Variants in PLEKHB2 observed in about 807,000 individuals in gnomAD.
PLEKHB2 encodes the protein pleckstrin homology domain containing B2.
PLEKHB2 carries 31 observed loss-of-function variants against 36.5 expected under a neutral mutation model. That is an observed-to-expected ratio of 0.85 (90% CI 0.64 to 1.15). The LOEUF (loss-of-function observed/expected upper bound fraction) is 1.15. Ranked by LOEUF, PLEKHB2 falls within the 50% of genes most tolerant of loss-of-function variation. The pLI, the probability that PLEKHB2 is intolerant of heterozygous loss-of-function variation, is 0.00. For synonymous variants in PLEKHB2, 119 were observed against 112.0 expected (o/e 1.06, Z -0.39); for missense variants, 262 against 295.3 (o/e 0.89, Z 0.83).
intron 1 of PLEKHB2, among the ~76,000 whole-genome samples, chr2:131,110,004 A>G (rs557776137): frequency 1.0e-3 from 156 of 151,910 alleles, no homozygotes; most frequent in African/African-American, 3.5e-3. Flanking sequence ...AGTCCCAGCT[A>G]TTCGGGAGGC....
chr2:131,119,508 G>T (rs538936674), intron 1 of PLEKHB2, among the ~76,000 whole-genome samples: 1 of 152,202 alleles, frequency 6.6e-6, no homozygotes, highest in South Asian at 2.1e-4. Context: ...GCATGTTGGC[G>T]CGCTTCTGCA....
chr2:131,147,755 G>A lies in PLEKHB2; in HGVS notation c.*982G>A, dbSNP rs1247823139. 1.3e-5 allele frequency: 2 copies of A among 149,794 alleles called. No homozygotes were observed. Among genetic ancestry groups the A allele is most frequent in the African/African-American group, 5.0e-5 (2 of 39,990 alleles). The allele number at this position is 149,794 out of a possible 1,614,324, so 9.3% of individuals were successfully genotyped here. On this transcript the variant is annotated 3_prime_UTR_variant, in exon 8 of 8. Transcript: ENST00000693505. ...GGAGCTTGCAGTGAGCCAAGATAGTGCCACTGCACTTCAGCCTGGGTGACA... is the reference window on the plus strand; with the variant it reads ...GGAGCTTGCAGTGAGCCAAGATAGTACCACTGCACTTCAGCCTGGGTGACA...
intron 1 of PLEKHB2, among the ~76,000 whole-genome samples, chr2:131,109,953 A>G (rs1454923619): frequency 1.3e-5 from 2 of 151,670 alleles, no homozygotes; most frequent in Non-Finnish European, 2.9e-5. Context: ...TCTCTACTAA[A>G]AATACAAAAA....
At position 131,130,719 on chromosome 2, in the gene PLEKHB2, A is replaced by G. The variant is rs1263095021; in HGVS notation, c.294-2A>G. On this transcript the variant is annotated splice_acceptor_variant, in intron 4 of 7. Transcript: ENST00000693505. LOFTEE classifies it high-confidence loss of function. ...ATAAAGTACCCTTTTTCTTTTCTCC[A>G]GGGCCTGGAAATTTACACTCCAAGA... The G allele has an allele frequency of 3.1e-6, 5 of 1,605,956 alleles. No homozygotes were observed. Among genetic ancestry groups the G allele is most frequent in the Non-Finnish European group, 4.3e-6 (5 of 1,172,878 alleles).
At chr2:131,118,867 C>CAAAAAAA (rs138450500) in intron 1 of PLEKHB2, 8 of 45,216 alleles carry the variant, frequency 1.8e-4, no homozygotes, top group Non-Finnish European at 2.7e-4. Context: ...GATTCCGTCT[C>CAAAAAAA]AAAAAAAAAA....
rs1293229052 is a variant in PLEKHB2 at position 131,125,799 on chromosome 2, G to A, written c.84G>A (p.Ser28=). The A allele has an allele frequency of 1.1e-5, 17 of 1,613,056 alleles. No individual in the cohort carries two copies. Among genetic ancestry groups the A allele is most frequent in the Non-Finnish European group, 1.3e-5 (15 of 1,179,598 alleles). The stretch of plus-strand genomic sequence containing the variant: ...AGAAGAACTGGTTTGATCTGTGGTC[G>A]GATGGTCACCTGATCTATTATGATG... ...RWKKNWFDLW[S]DGHLIYYDDQ... is the part of the protein sequence containing the mutation. The change falls in exon 3 of 8, where the codon TCG becomes TCA. Residue 28 remains serine, a synonymous_variant. Coordinates refer to ENST00000693505, the MANE Select transcript of PLEKHB2 (RefSeq NM_001100623.2).
intron 1 of PLEKHB2, among the ~76,000 whole-genome samples, chr2:131,113,749 A>G (rs1573529657): frequency 6.6e-6 from 1 of 152,290 alleles, no homozygotes; most frequent in South Asian, 2.1e-4. Flanking sequence ...CACGGACTAT[A>G]TTCTTCTAAG....
At chr2:131,141,619 G>A (rs1321044719) in intron 7 of PLEKHB2, among the ~76,000 whole-genome samples, 2 of 134,876 alleles carry the variant, frequency 1.5e-5, no homozygotes, top group African/African-American at 2.8e-5. Flanking sequence ...CAGCCTGGGC[G>A]ACAGAACGAG....
In PLEKHB2 at chr2:131,146,747, T is replaced by G. The variant is rs1699329974; in HGVS notation, c.643T>G (p.Leu215Val). The G allele has an allele frequency of 6.2e-7, 1 of 1,611,804 alleles. No individual in the cohort carries two copies. Among genetic ancestry groups the G allele is most frequent in the South Asian group, 1.1e-5 (1 of 90,514 alleles). Residue 215 changes from leucine (L) to valine (V), a missense_variant, in exon 8 of 8, where the codon TTA becomes GTA. Transcript: ENST00000693505. Reference sequence around the variant, plus strand: ...GGCAGGAGCAGCCACGGGCATGGCCTTAGGGTCTCTATTTTGGGTCTTCTA... The same window carrying G: ...GGCAGGAGCAGCCACGGGCATGGCCGTAGGGTCTCTATTTTGGGTCTTCTA... ...MLAGAATGMA[L>V]GSLFWVF
Position 131,148,835 on chromosome 2 carries a change from T to G in PLEKHB2, c.*2062T>G, listed in dbSNP as rs868361930. 6.6e-6 allele frequency: 1 copy of G among 152,244 alleles called. No individual in the cohort carries two copies. The highest frequency in any genetic ancestry group is 1.5e-5 in the Non-Finnish European group (1 of 68,042). 9.4% of individuals were successfully genotyped at this position (152,244 alleles called of 1,614,324 possible). A position where few individuals can be genotyped will look rare whatever the true frequency, so the allele number is the denominator to read the frequency against. On this transcript the variant is annotated 3_prime_UTR_variant, in exon 8 of 8. Coordinates refer to ENST00000693505, the MANE Select transcript of PLEKHB2 (RefSeq NM_001100623.2). ...ATCCTGTATAAGAAGAATGGCTTTC[T>G]TCAGATTATAATCGTTATTAAAGCT...
chr2:131,120,496 G>A (rs1034919740), intron 1 of PLEKHB2: 1 of 168,712 alleles, frequency 5.9e-6, no homozygotes. Flanking sequence ...TTGTTTTTTT[G>A]CCCTGACCTG....
intron 7 of PLEKHB2, chr2:131,144,469 T>C: frequency 8.7e-7 from 1 of 1,155,206 alleles, no homozygotes; most frequent in Non-Finnish European, 1.1e-6. Context: ...AGAGCAGACT[T>C]CTAGATTTGG....
chr2:131,118,820 A>G (rs1251394870), intron 1 of PLEKHB2: 3 of 127,104 alleles, frequency 2.4e-5, no homozygotes, highest in African/African-American at 9.1e-5. Flanking sequence ...GTGAGCCGAG[A>G]TTGCGCCACT....
chr2:131,140,275 G>A lies in PLEKHB2; in HGVS notation c.532G>A (p.Gly178Arg), dbSNP rs1383534236. The change falls in exon 7 of 8, where the codon GGA becomes AGA. Residue 178 changes from glycine (G) to arginine (R), a missense_variant and splice_region_variant. Physicochemically the swap from Gly to Arg is moderately radical, Grantham distance 125. Coordinates refer to ENST00000693505, the MANE Select transcript of PLEKHB2 (RefSeq NM_001100623.2). The part of the protein sequence containing the change: ...YAVPYQYPYA[G>R]LYGQQPANQV... ...CGTGCCCTACCAGTACCCATATGCAGGTAACTCACGCCGGCCTTTCATTCC... is the reference window on the plus strand; with the variant it reads ...CGTGCCCTACCAGTACCCATATGCAAGTAACTCACGCCGGCCTTTCATTCC... 2 of 1,532,662 alleles carry A rather than the reference G, an allele frequency of 1.3e-6. No individual in the cohort carries two copies. Among genetic ancestry groups the A allele is most frequent in the South Asian group, 1.1e-5 (1 of 88,504 alleles). The allele number at this position is 1,532,662 out of a possible 1,614,324, so 94.9% of individuals were successfully genotyped here.
chr2:131,138,088 T>G (rs1030929492), intron 6 of PLEKHB2, among the ~76,000 whole-genome samples: 1 of 151,506 alleles, frequency 6.6e-6, no homozygotes, highest in African/African-American at 2.4e-5. Context: ...TTTCTACCCT[T>G]TATATTCATG....
At chr2:131,109,947 T>C (rs980010860) in intron 1 of PLEKHB2, among the ~76,000 whole-genome samples, 3 of 151,894 alleles carry the variant, frequency 2.0e-5, no homozygotes, top group Middle Eastern at 3.4e-3. Context: ...ACCCTGTCTC[T>C]ACTAAAAATA....
chr2:131,122,890 C>T (rs573968549), intron 2 of PLEKHB2, among the ~76,000 whole-genome samples: 2 of 152,278 alleles, frequency 1.3e-5, no homozygotes, highest in African/African-American at 2.4e-5. Flanking sequence ...TCTCAACGTC[C>T]CCATGGTCAG....
chr2:131,107,868 T>C (rs989658050), intron 1 of PLEKHB2: 5 of 152,264 alleles, frequency 3.3e-5, no homozygotes, highest in African/African-American at 9.6e-5. Context: ...TTCACTATGT[T>C]GGTCAGGCTG....
At chr2:131,141,238 A>G (rs11899277) in intron 7 of PLEKHB2, among the ~76,000 whole-genome samples, 27,752 of 152,096 alleles carry the variant, frequency 0.18, 3,085 homozygotes, top group African/African-American at 0.32. Context: ...GAGAAATCTC[A>G]TACTCCTGTG....
Sources: gnomAD v4.1 joint callset for allele counts (sites outside exome capture counted in the v4.1 genomes callset) on GRCh38, gnomAD v4.1.1 for gene constraint, MANE v1.5 for transcripts, NCBI Gene and HGNC (gene_info 2026-07-23, HGNC 2026-07-21) for gene names.